Variants in SLC3A1 observed in about 807,000 individuals in gnomAD.
SLC3A1 encodes the protein solute carrier family 3 member 1, also known as amino acid transporter heavy chain SLC3A1.
A neutral mutation model predicts 60.3 loss-of-function variants in SLC3A1; 78 were observed. That is an observed-to-expected ratio of 1.29 (90% CI 1.08 to 1.56). SLC3A1 has a LOEUF of 1.56. SLC3A1 is among the 40% of genes most tolerant of loss of function. The pLI is 0.00. For synonymous variants in SLC3A1, 392 were observed against 307.9 expected, an observed-to-expected ratio of 1.27 and a Z score of -2.86; for missense variants, 1,172 against 858.9, an observed-to-expected ratio of 1.36 and a Z score of -4.56.
chr2:44,320,023 T>C, intron 9 of SLC3A1, 176 bp from the exon 10 acceptor site: 1 of 608,640 alleles, frequency 1.6e-6, no homozygotes, highest in Non-Finnish European at 2.9e-6. Flanking sequence ...TTGTCATTTC[T>C]ATCAGTTTTT....
chr2:44,282,685 GTGCAGTGGCTTGATCATGGCTTAC>G (rs1558454194), intron 3 of SLC3A1, among the ~76,000 whole-genome samples: 1 of 151,998 alleles, frequency 6.6e-6, no homozygotes, highest in African/African-American at 2.4e-5. Context: ...CCAGGCTGGA[GTGCAGTGGCTTGATCATGGCTTAC>G]TGCAGTGGCT....
intron 1 of SLC3A1, among the ~76,000 whole-genome samples, chr2:44,277,591 G>A (rs1423671955): frequency 6.6e-6 from 1 of 152,034 alleles, no homozygotes; most frequent in Non-Finnish European, 1.5e-5. Flanking sequence ...CTTTAATCCT[G>A]CCTTGAGTGA....
intron 7 of SLC3A1, among the ~76,000 whole-genome samples, chr2:44,308,806 C>T (rs1390554336): frequency 6.6e-6 from 1 of 151,790 alleles, no homozygotes; most frequent in East Asian, 1.9e-4. Flanking sequence ...GATCTCAGCT[C>T]ATTGCAAGCT....
intron 9 of SLC3A1, chr2:44,317,662 A>G (rs1320593149): frequency 6.6e-6 from 1 of 152,432 alleles, no homozygotes; most frequent in African/African-American, 2.4e-5. Flanking sequence ...TAATTTTCAA[A>G]GAATTATTTT....
intron 6 of SLC3A1, chr2:44,301,346 C>T: frequency 1.5e-6 from 1 of 649,442 alleles, no homozygotes; most frequent in South Asian, 1.8e-5. Context: ...TGATGCAGAT[C>T]ACACTACGTA....
intron 7 of SLC3A1, among the ~76,000 whole-genome samples, chr2:44,306,095 T>C (rs1430978394): frequency 4.6e-5 from 7 of 152,208 alleles, no homozygotes; most frequent in Admixed American, 3.3e-4. Flanking sequence ...GCTGTTGTTA[T>C]TCGTATGCAG....
chr2:44,286,426 T>C (rs1302676605), intron 4 of SLC3A1, among the ~76,000 whole-genome samples: 1 of 152,162 alleles, frequency 6.6e-6, no homozygotes. Flanking sequence ...CAGAGTACCC[T>C]AAATGGAAGG....
At chr2:44,289,531 A>C in intron 4 of SLC3A1, among the ~76,000 whole-genome samples, 1 of 151,512 alleles carries the variant, frequency 6.6e-6, no homozygotes, top group East Asian at 2.0e-4. Context: ...TTCTTGATAC[A>C]TGATTTACAA....
intron 9 of SLC3A1, among the ~76,000 whole-genome samples, chr2:44,315,974 CAG>C (rs1004319170): frequency 7.9e-5 from 12 of 152,254 alleles, no homozygotes; most frequent in Admixed American, 6.5e-4. Flanking sequence ...CTACTCAGCT[CAG>C]AGTCACAGAC....
intron 7 of SLC3A1, among the ~76,000 whole-genome samples, chr2:44,308,749 T>A (rs1672218446): frequency 6.6e-6 from 1 of 152,126 alleles, no homozygotes; most frequent in Non-Finnish European, 1.5e-5. Flanking sequence ...TTTTTTTAAT[T>A]TGAGGCAGAG....
chr2:44,280,946 C>G (rs1671483270), intron 2 of SLC3A1, 51 bp downstream of exon 2: 2 of 1,494,224 alleles, frequency 1.3e-6, no homozygotes, highest in African/African-American at 1.4e-5. Flanking sequence ...GAGAGAAGCA[C>G]TTTTTCAAAT....
rs539056012 is a variant in SLC3A1 at position 44,277,350 on chromosome 2, G to GC, written c.430+1392dup. 1.4e-3 allele frequency among the ~76,000 whole-genome samples: 218 copies of GC among 151,802 alleles called. 1 individual carries two copies. Among genetic ancestry groups the GC allele is most frequent in the African/African-American group, 4.9e-3 (204 of 41,402 alleles). On this transcript the variant is annotated intron_variant, in intron 1 of 9. Coordinates refer to ENST00000260649, the MANE Select transcript of SLC3A1 (RefSeq NM_000341.4). Reference sequence around the variant, plus strand: ...TCGAACTCCTGACCTCAGGTGATTTGCCCCCCCTTGGCCTCCCAAAACTCT... The same window carrying GC: ...TCGAACTCCTGACCTCAGGTGATTTGCCCCCCCCTTGGCCTCCCAAAACTCT...
At chr2:44,311,256 TC>T (rs1262012503) in intron 7 of SLC3A1, among the ~76,000 whole-genome samples, 31 of 152,352 alleles carry the variant, frequency 2.0e-4, no homozygotes, top group African/African-American at 7.2e-4. Flanking sequence ...TTTCATAATT[TC>T]TCTTATCTAT....
intron 9 of SLC3A1, chr2:44,314,183 C>T: frequency 9.3e-7 from 1 of 1,074,856 alleles, no homozygotes; most frequent in South Asian, 1.7e-5. Context: ...ATATACAAGT[C>T]TTCATTGCAA....
At chr2:44,301,858 G>A (rs1672020529) in intron 6 of SLC3A1, among the ~76,000 whole-genome samples, 1 of 151,788 alleles carries the variant, frequency 6.6e-6, no homozygotes, top group South Asian at 2.1e-4. Context: ...GACGGTGTTC[G>A]AGACCAGCCT....
intron 1 of SLC3A1, among the ~76,000 whole-genome samples, chr2:44,278,473 T>A (rs1008504842): frequency 1.3e-5 from 2 of 150,600 alleles, no homozygotes; most frequent in Non-Finnish European, 3.0e-5. Flanking sequence ...AATAAATAAA[T>A]AAAATAAAAT....
chr2:44,280,246 CTTTTT>C lies in SLC3A1; in HGVS notation c.431-464_431-460del, dbSNP rs111275723. On this transcript the variant is annotated intron_variant, in intron 1 of 9. Coordinates refer to ENST00000260649, the MANE Select transcript of SLC3A1 (RefSeq NM_000341.4). ...AGATGACTAATTTGATTTTCTCTTTCTTTTTTTTTTGAGAAAGGGTCTTGCTCTGT... is the reference window on the plus strand; with the variant it reads ...AGATGACTAATTTGATTTTCTCTTTCTTTTTGAGAAAGGGTCTTGCTCTGT... Among the ~76,000 whole-genome samples the C allele has an allele frequency of 2.0e-5, 3 of 148,682 alleles. No individual in the cohort carries two copies. In the South Asian group the frequency reaches 6.4e-4, roughly 32 times the overall value.
chr2:44,321,531 T>G, downstream of SLC3A1: 1 of 1,540,716 alleles, frequency 6.5e-7, no homozygotes. Context: ...TATCCATCTT[T>G]ACCTAACCGT....
intron 7 of SLC3A1, among the ~76,000 whole-genome samples, chr2:44,306,995 G>A (rs940882425): frequency 6.6e-6 from 1 of 152,018 alleles, no homozygotes; most frequent in South Asian, 2.1e-4. Flanking sequence ...CAATAACTGC[G>A]CATGGCCCCT....
Sources: allele counts gnomAD v4.1 joint callset (sites outside exome capture counted in the v4.1 genomes callset), GRCh38; gene constraint gnomAD v4.1.1; transcripts MANE v1.5; gene names NCBI Gene and HGNC (gene_info 2026-07-23, HGNC 2026-07-21).